Variants in KLHL22 observed in about 807,000 individuals in gnomAD.
KLHL22 encodes kelch-like protein 22.
KLHL22 carries 18 observed loss-of-function variants against 60.7 expected under a neutral mutation model. The observed-to-expected ratio is 0.30, with a 90% CI of 0.20 to 0.44. The LOEUF is 0.44. KLHL22 is among the 20% of genes least tolerant of loss of function. The pLI, the probability that KLHL22 is intolerant of heterozygous loss-of-function variation, is 1.00. For synonymous variants in KLHL22, 355 were observed against 354.5 expected (o/e 1.00, Z -0.01); for missense variants, 596 against 852.3 (o/e 0.70, Z 3.74).
Position 20,476,666 on chromosome 22 carries a change from G to A in KLHL22, c.228-5151C>T, listed in dbSNP as rs868520074. ...CTGACCTCATGATCCGCCCGCCTCG[G>A]CCTCCCAAAGTGCTGGTATTACAGG... On this transcript the variant is annotated intron_variant, in intron 2 of 6. Transcript: ENST00000328879. Among the ~76,000 whole-genome samples, 17 of 150,632 alleles carry A rather than the reference G, an allele frequency of 1.1e-4. No homozygotes were observed. The Middle Eastern group carries it at 0.024, about 217-fold the overall frequency.
intron 6 of KLHL22, among the ~76,000 whole-genome samples, chr22:20,446,139 T>C (rs2052855973): frequency 6.6e-6 from 1 of 152,194 alleles, no homozygotes; most frequent in Admixed American, 6.5e-5. Context: ...TCCAAACCTA[T>C]AGAATGTGCC....
At chr22:20,474,781 C>T (rs535135754) in intron 2 of KLHL22, among the ~76,000 whole-genome samples, 1 of 152,356 alleles carries the variant, frequency 6.6e-6, no homozygotes, top group South Asian at 2.1e-4. Flanking sequence ...CATCCTCACC[C>T]TTACAACATG....
chr22:20,449,410 T>C (rs951142501), intron 5 of KLHL22, among the ~76,000 whole-genome samples: 2 of 150,618 alleles, frequency 1.3e-5, no homozygotes, highest in Non-Finnish European at 3.0e-5. Flanking sequence ...GCCAAGGTTT[T>C]TTGTTTTTGA....
At chr22:20,488,718 A>T in intron 2 of KLHL22, 2 of 542,960 alleles carry the variant, frequency 3.7e-6, no homozygotes, top group Non-Finnish European at 3.3e-6. Context: ...GAAAAGAGAA[A>T]AGAAAAGAGA....
intron 5 of KLHL22, chr22:20,450,726 G>C: frequency 1.5e-6 from 2 of 1,358,184 alleles, no homozygotes; most frequent in South Asian, 2.3e-5. Context: ...TCATCAGTTG[G>C]GTGAAGCATG....
At chr22:20,487,250 C>T (rs1315374355) in intron 2 of KLHL22, among the ~76,000 whole-genome samples, 1 of 149,208 alleles carries the variant, frequency 6.7e-6, no homozygotes, top group Non-Finnish European at 1.5e-5. Flanking sequence ...CAGGGTCTTG[C>T]TCTGTCACCC....
intron 3 of KLHL22, among the ~76,000 whole-genome samples, chr22:20,469,981 A>T (rs1240856953): frequency 1.3e-5 from 2 of 152,040 alleles, no homozygotes; most frequent in Non-Finnish European, 2.9e-5. Context: ...ATCATCCAAA[A>T]CATAAGTCAC....
At chr22:20,494,083 C>T (rs937368838) in intron 1 of KLHL22, among the ~76,000 whole-genome samples, 1 of 146,164 alleles carries the variant, frequency 6.8e-6, no homozygotes, top group Admixed American at 6.8e-5. Context: ...TGCCCCCCCC[C>T]CAAAAAAAAA....
Position 20,457,879 on chromosome 22 carries a change from C to T in KLHL22, c.1234G>A (p.Asp412Asn). Residue 412 changes from aspartate (D) to asparagine (N), a missense_variant, in exon 5 of 7, where the codon GAC becomes AAC. Transcript: ENST00000328879. Reference sequence around the variant, plus strand: ...TCGTAGCGCTCCACAGCATTCAGGTCATTGTGGTAGTCACGGCCCGCCACA... The same window carrying T: ...TCGTAGCGCTCCACAGCATTCAGGTTATTGTGGTAGTCACGGCCCGCCACA... ...YAVAGRDYHN[D>N]LNAVERYDPA... 1 of 1,612,442 alleles carries T rather than the reference C, an allele frequency of 6.2e-7. No homozygotes were observed. The highest frequency in any genetic ancestry group is 8.5e-7 in the Non-Finnish European group (1 of 1,179,308).
chr22:20,482,873 T>G, intron 2 of KLHL22: 1 of 1,218,294 alleles, frequency 8.2e-7, no homozygotes, highest in Non-Finnish European at 1.2e-6. Context: ...ATCCATTATC[T>G]GGCAGGTGGT....
rs779457360 is a variant in KLHL22, at chr22:20,442,325, G to A, written c.1653C>T (p.Gly551=). 1 of 1,613,850 alleles carries A rather than the reference G, an allele frequency of 6.2e-7. No individual in the cohort carries two copies. The highest frequency in any genetic ancestry group is 1.3e-5 in the African/African-American group (1 of 74,932). ...VLDNRIYVLG[G]RSHNRGSRTG... ...TGCGGCTGCCGCGGTTGTGTGAGCG[G>A]CCACCTAACACATAGATCCTGTTGT... The change falls in exon 7 of 7, where the codon GGC becomes GGT. Residue 551 remains glycine, a synonymous_variant. Coordinates refer to ENST00000328879, the MANE Select transcript of KLHL22 (RefSeq NM_032775.4).
At chr22:20,459,562 G>A (rs141969329) in intron 4 of KLHL22, among the ~76,000 whole-genome samples, 1 of 152,350 alleles carries the variant, frequency 6.6e-6, no homozygotes, top group East Asian at 1.9e-4. Context: ...AATCATAAAA[G>A]ACGAGCATGA....
chr22:20,448,437 A>G (rs564691010), intron 5 of KLHL22, among the ~76,000 whole-genome samples: 1 of 152,314 alleles, frequency 6.6e-6, no homozygotes, highest in African/African-American at 2.4e-5. Flanking sequence ...TTCCTTTTCT[A>G]TTGCTCAGTA....
At chr22:20,489,808 G>T in intron 1 of KLHL22, 1 of 471,160 alleles carries the variant, frequency 2.1e-6, no homozygotes, top group Non-Finnish European at 4.4e-6. Context: ...GAGTCTGGGA[G>T]GTGGGTGCCA....
At chr22:20,451,451 A>T in intron 5 of KLHL22, 2 of 1,604,678 alleles carry the variant, frequency 1.2e-6, no homozygotes, top group South Asian at 2.2e-5. Flanking sequence ...TCAGTTGAGA[A>T]ATATGACCCT....
At chr22:20,443,466 C>T (rs1026343298) in intron 6 of KLHL22, among the ~76,000 whole-genome samples, 1 of 151,370 alleles carries the variant, frequency 6.6e-6, no homozygotes, top group Non-Finnish European at 1.5e-5. Context: ...AGAGGCCGGG[C>T]GTGGTGGCTC....
At chr22:20,472,965 C>T (rs1402747769) in intron 2 of KLHL22, among the ~76,000 whole-genome samples, 2 of 152,136 alleles carry the variant, frequency 1.3e-5, no homozygotes, top group African/African-American at 2.4e-5. Flanking sequence ...GCATGCAAGG[C>T]AGCCAAGATG....
rs71312764 is a variant in KLHL22 at position 20,461,738 on chromosome 22, G to A, written c.1112+3120C>T. Reference sequence around the variant, plus strand: ...AGCACTTTGGGAGGCTGAGGCAGGCGGATCACCTGAAGTCAGGAGTTCAAG... The same window carrying A: ...AGCACTTTGGGAGGCTGAGGCAGGCAGATCACCTGAAGTCAGGAGTTCAAG... On this transcript the variant is annotated intron_variant, in intron 4 of 6. Coordinates refer to ENST00000328879, the MANE Select transcript of KLHL22 (RefSeq NM_032775.4). 2.6e-3 allele frequency among the ~76,000 whole-genome samples: 396 copies of A among 151,946 alleles called. 2 individuals are homozygous for A. The highest frequency in any genetic ancestry group is 3.3e-3 in the Non-Finnish European group (227 of 67,978).
chr22:20,465,388 C>T lies in KLHL22; in HGVS notation c.582G>A (p.Glu194=), dbSNP rs760191348. ...TGCTGCTGAGGAGGGAGTAGACCTTCTCCAATGGAAGCTGGCGGTACTTGT... is the reference window on the plus strand; with the variant it reads ...TGCTGCTGAGGAGGGAGTAGACCTTTTCCAATGGAAGCTGGCGGTACTTGT... ...RTDKYRQLPL[E]KVYSLLSSNR... is the part of the protein sequence containing the mutation. The change falls in exon 4 of 7, where the codon GAG becomes GAA. Residue 194 remains glutamate (E), a synonymous_variant. Transcript: ENST00000328879. The surrounding 1 kb of genome is among the most constrained non-coding windows in gnomAD (Gnocchi z 4.9). 46 of 1,614,074 alleles carry T rather than the reference C, an allele frequency of 2.8e-5. No individual in the cohort carries two copies. Among genetic ancestry groups the T allele is most frequent in the Admixed American group, 8.3e-5 (5 of 59,988 alleles).
Sources: gnomAD v4.1 joint callset for allele counts (sites outside exome capture counted in the v4.1 genomes callset) on GRCh38, gnomAD v4.1.1 for gene constraint, Gnocchi (gnomAD v3.1) non-coding constraint, MANE v1.5 for transcripts, NCBI Gene and HGNC (gene_info 2026-07-23, HGNC 2026-07-21) for gene names.